LDB2: variants seen among roughly 807,000 people sequenced by gnomAD.
LDB2 encodes the protein LIM domain binding 2, also known as LIM domain-binding protein 2.
In LDB2, 12 loss-of-function variants were observed where a neutral mutation model predicts 44.3. The observed-to-expected ratio is 0.27, with a 90% confidence interval of 0.17 to 0.44. The LOEUF is 0.44. LDB2 is among the 20% of genes least tolerant of loss of function. The pLI is 1.00. For missense variants in LDB2, 344 were observed against 473.5 expected (o/e 0.73, Z 2.54); for synonymous variants, 164 against 174.8 (o/e 0.94, Z 0.49).
chr4:16,674,949 ATTCCCTGT>A (rs150334674), intron 2 of LDB2, among the ~76,000 whole-genome samples: 77,490 of 151,440 alleles, frequency 0.51, 19,729 homozygotes, highest in Middle Eastern at 0.53. Flanking sequence ...CTGAAAGCGA[ATTCCCTGT>A]TTGCTCATGT....
intron 1 of LDB2, among the ~76,000 whole-genome samples, chr4:16,844,590 CA>C (rs1434191541): frequency 1.3e-5 from 2 of 152,132 alleles, no homozygotes; most frequent in South Asian, 4.1e-4. Flanking sequence ...ATCCTTAAAG[CA>C]CAAAGTGTTT....
chr4:16,562,401 C>T lies in LDB2; in HGVS notation c.615+23521G>A, dbSNP rs573061853. Among the ~76,000 whole-genome samples, 99 of 152,216 alleles carry T rather than the reference C, an allele frequency of 6.5e-4. No homozygotes were observed. The South Asian group carries it at 7.7e-3, about 12-fold the overall frequency. On this transcript the variant is annotated intron_variant, in intron 5 of 7. Transcript: ENST00000304523. Reference sequence around the variant, plus strand: ...AAAAACAACCCCATCAAAAAGTGGGCGAAGGACATGAACAGACACTTCTCA... The same window carrying T: ...AAAAACAACCCCATCAAAAAGTGGGTGAAGGACATGAACAGACACTTCTCA...
intron 1 of LDB2, among the ~76,000 whole-genome samples, chr4:16,791,570 A>AAAAAAAAAAAAAAAAAAAAAAAAAC (rs1157053185): frequency 6.6e-6 from 1 of 150,974 alleles, no homozygotes; most frequent in Non-Finnish European, 1.5e-5. Flanking sequence ...AAAAAAAAAA[A>AAAAAAAAAAAAAAAAAAAAAAAAAC]AAGAAAGACA....
rs538250907 is a variant in LDB2 at position 16,803,837 on chromosome 4, C to T, written c.133-44577G>A. Among the ~76,000 whole-genome samples the T allele has an allele frequency of 1.7e-3, 259 of 152,282 alleles. 5 individuals carry two copies. Among genetic ancestry groups the T allele is most frequent in the South Asian group, 0.013 (62 of 4,826 alleles). The stretch of plus-strand genomic sequence containing the variant: ...CACAATGTCAAGCACAGAGGAATTG[C>T]TTAAGTAATGCTTATTGTTGTTATT... On this transcript the variant is annotated intron_variant, in intron 1 of 7. Transcript: ENST00000304523.
Position 16,528,115 on chromosome 4 carries a change from A to G in LDB2, c.616-16011T>C, listed in dbSNP as rs116538393. The stretch of plus-strand genomic sequence containing the variant: ...AAGTTAAGTAACTTGGGAATGGAAA[A>G]CCAAATATTGTATGTTCTCACTCGT... On this transcript the variant is annotated intron_variant, in intron 5 of 7. Transcript: ENST00000304523. 9.7e-3 allele frequency among the ~76,000 whole-genome samples: 1,474 copies of G among 152,212 alleles called. 28 individuals are homozygous for G. The highest frequency in any genetic ancestry group is 0.034 in the African/African-American group (1,400 of 41,550).
chr4:16,516,228 T>C (rs1723684403), intron 5 of LDB2, among the ~76,000 whole-genome samples: 1 of 152,130 alleles, frequency 6.6e-6, no homozygotes, highest in Non-Finnish European at 1.5e-5. Context: ...AAACACTGGG[T>C]TTCAGTTTCA....
intron 5 of LDB2, among the ~76,000 whole-genome samples, chr4:16,522,316 C>T (rs1184731322): frequency 1.6e-5 from 2 of 125,176 alleles, no homozygotes; most frequent in Admixed American, 8.0e-5. Flanking sequence ...ACAGTTGGCC[C>T]TTCTTATCTG....
intron 2 of LDB2, among the ~76,000 whole-genome samples, chr4:16,666,316 T>C (rs1743197861): frequency 1.3e-5 from 2 of 152,100 alleles, no homozygotes; most frequent in African/African-American, 4.8e-5. Flanking sequence ...CCAAGCTAGC[T>C]GTTGTCCCAG....
intron 1 of LDB2, among the ~76,000 whole-genome samples, chr4:16,801,505 A>C (rs867301290): frequency 6.6e-6 from 1 of 152,210 alleles, no homozygotes; most frequent in Non-Finnish European, 1.5e-5. Context: ...GAGGGCAAGC[A>C]GACTCATACT....
intron 2 of LDB2, among the ~76,000 whole-genome samples, chr4:16,605,086 A>G (rs910885380): frequency 3.3e-5 from 5 of 152,162 alleles, no homozygotes; most frequent in Non-Finnish European, 7.3e-5. Flanking sequence ...AGCTAGTTCT[A>G]TATTTTTTTA....
At chr4:16,811,915 T>A (rs904130511) in intron 1 of LDB2, among the ~76,000 whole-genome samples, 1 of 152,214 alleles carries the variant, frequency 6.6e-6, no homozygotes, top group Non-Finnish European at 1.5e-5. Flanking sequence ...CAGAGCTCAT[T>A]TATAGGATTG....
At chr4:16,733,889 TAA>T (rs968914304) in intron 2 of LDB2, among the ~76,000 whole-genome samples, 2 of 152,206 alleles carry the variant, frequency 1.3e-5, no homozygotes, top group African/African-American at 4.8e-5. Flanking sequence ...GGCTTATTTT[TAA>T]AAATATTGTT....
At chr4:16,678,351 C>T (rs913227475) in intron 2 of LDB2, among the ~76,000 whole-genome samples, 27 of 152,192 alleles carry the variant, frequency 1.8e-4, no homozygotes, top group Admixed American at 1.8e-3. Flanking sequence ...TATTGAAGTA[C>T]AATTGACATA....
intron 1 of LDB2, among the ~76,000 whole-genome samples, chr4:16,882,908 G>A (rs867754447): frequency 6.6e-6 from 1 of 152,226 alleles, no homozygotes; most frequent in Middle Eastern, 3.4e-3. Context: ...TCTAGTCTTA[G>A]TTCAGATGAA....
intron 1 of LDB2, among the ~76,000 whole-genome samples, chr4:16,815,727 C>G (rs866859474): frequency 6.6e-6 from 1 of 152,166 alleles, no homozygotes; most frequent in Non-Finnish European, 1.5e-5. Context: ...CACAGCTCCC[C>G]TAGGTTTCTG....
intron 1 of LDB2, among the ~76,000 whole-genome samples, chr4:16,873,572 A>G (rs990618426): frequency 6.6e-6 from 1 of 152,212 alleles, no homozygotes; most frequent in Non-Finnish European, 1.5e-5. Flanking sequence ...TTCAACAAAG[A>G]AAAACCAAAT....
At chr4:16,545,454 G>A (rs989906739) in intron 5 of LDB2, among the ~76,000 whole-genome samples, 9 of 152,120 alleles carry the variant, frequency 5.9e-5, no homozygotes, top group East Asian at 1.9e-4. Context: ...ACTTTTACCC[G>A]TGGAGAATTG....
At chr4:16,890,141 A>G (rs1212899376) in intron 1 of LDB2, among the ~76,000 whole-genome samples, 1 of 152,206 alleles carries the variant, frequency 6.6e-6, no homozygotes, top group African/African-American at 2.4e-5. Flanking sequence ...TGGATCCCAA[A>G]GAAGCCCTCC....
At chr4:16,815,751 A>G (rs1365741722) in intron 1 of LDB2, among the ~76,000 whole-genome samples, 1 of 152,202 alleles carries the variant, frequency 6.6e-6, no homozygotes, top group African/African-American at 2.4e-5. Context: ...GTAAGATGAC[A>G]AAGTTGTGAC....
Sources: gnomAD v4.1 joint callset for allele counts (sites outside exome capture counted in the v4.1 genomes callset) on GRCh38, gnomAD v4.1.1 for gene constraint, MANE v1.5 for transcripts, NCBI Gene and HGNC (gene_info 2026-07-23, HGNC 2026-07-21) for gene names.